The following DEPTOR variants were observed in gnomAD, a reference collection of about 807,000 sequenced individuals.
The protein encoded by DEPTOR is DEP domain containing MTOR interacting protein, also known as DEP domain-containing mTOR-interacting protein.
DEPTOR carries 41 observed loss-of-function variants against 41.6 expected under a neutral mutation model. That is an observed-to-expected ratio of 0.98 (90% confidence interval 0.77 to 1.28). The LOEUF is 1.28. DEPTOR is among the 50% of genes most tolerant of loss of function. The pLI, the probability that DEPTOR is intolerant of heterozygous loss-of-function variation, is 0.00. For synonymous variants in DEPTOR, 195 were observed against 192.3 expected (o/e 1.01, Z -0.12); for missense variants, 514 against 527.9 (o/e 0.97, Z 0.26).
At chr8:119,952,790 T>C (rs146611486) in intron 3 of DEPTOR, among the ~76,000 whole-genome samples, 6 of 152,220 alleles carry the variant, frequency 3.9e-5, no homozygotes, top group African/African-American at 1.2e-4. Context: ...TGGGAAGAAG[T>C]GAGGGAACAC....
At chr8:119,992,101 G>A (rs1337253389) in intron 4 of DEPTOR, among the ~76,000 whole-genome samples, 2 of 152,206 alleles carry the variant, frequency 1.3e-5, no homozygotes, top group Non-Finnish European at 2.9e-5. Flanking sequence ...GTTTATCTGT[G>A]ATTTTGAGCA....
intron 8 of DEPTOR, among the ~76,000 whole-genome samples, chr8:120,046,134 C>T (rs1174961883): frequency 1.3e-5 from 2 of 152,094 alleles, no homozygotes; most frequent in Non-Finnish European, 2.9e-5. Context: ...CATCAGGGCC[C>T]TCTTCCCTTC....
At chr8:119,932,282 T>G (rs1157194694) in intron 3 of DEPTOR, among the ~76,000 whole-genome samples, 1 of 152,174 alleles carries the variant, frequency 6.6e-6, no homozygotes, top group Non-Finnish European at 1.5e-5. Flanking sequence ...ACTGCACCTA[T>G]AACACTCTTC....
intron 1 of DEPTOR, among the ~76,000 whole-genome samples, chr8:119,924,728 A>AT (rs1827942496): frequency 6.6e-6 from 1 of 151,706 alleles, no homozygotes; most frequent in Admixed American, 6.6e-5. Flanking sequence ...TTATTTTATT[A>AT]TTTTTTTCTT....
intron 3 of DEPTOR, among the ~76,000 whole-genome samples, chr8:119,960,235 CA>C (rs1204216905): frequency 1.4e-5 from 2 of 139,704 alleles, no homozygotes; most frequent in Non-Finnish European, 3.2e-5. Context: ...AAAAAAAAAA[CA>C]AAAAACAAAA....
chr8:119,911,611 C>T (rs1052191044), intron 1 of DEPTOR, among the ~76,000 whole-genome samples: 1 of 152,174 alleles, frequency 6.6e-6, no homozygotes, highest in African/African-American at 2.4e-5. Context: ...AGCCACCGTG[C>T]CTGGCCCCTG....
At chr8:119,927,833 C>T (rs1827982495) in intron 1 of DEPTOR, among the ~76,000 whole-genome samples, 2 of 151,842 alleles carry the variant, frequency 1.3e-5, no homozygotes, top group Admixed American at 6.6e-5. Context: ...TCTCAAACTC[C>T]TGACCTCAAG....
At chr8:119,888,394 G>A (rs534743291) in intron 1 of DEPTOR, among the ~76,000 whole-genome samples, 133 of 152,144 alleles carry the variant, frequency 8.7e-4, no homozygotes, top group African/African-American at 3.1e-3. Flanking sequence ...CAGAAGTGTC[G>A]AAAAGCTATA....
At chr8:119,928,670 C>A in intron 2 of DEPTOR, 92 bp downstream of exon 2, 1 of 1,418,660 alleles carries the variant, frequency 7.0e-7, no homozygotes, top group Non-Finnish European at 9.4e-7. Context: ...AAACATTTTG[C>A]TTTATTTTAT....
chr8:119,919,331 GTCCCCATCTCC>G (rs1563965628), intron 1 of DEPTOR, among the ~76,000 whole-genome samples: 1 of 152,010 alleles, frequency 6.6e-6, no homozygotes, highest in South Asian at 2.1e-4. Context: ...GACCTCCTAT[GTCCCCATCTCC>G]TAGCTTCAGC....
chr8:119,928,679 A>G lies in DEPTOR; in HGVS notation c.301+101A>G. On this transcript the variant is annotated intron_variant, in intron 2 of 8. Transcript: ENST00000286234. ...GAAAGAAAACATTTTGCTTTATTTT[A>G]TCTCCAGTGTACCTCTCCCTGATTG... 9.1e-6 allele frequency: 12 copies of G among 1,317,118 alleles called. No homozygotes were observed. In the South Asian group the frequency reaches 1.4e-4, roughly 16 times the overall value. The allele number at this position is 1,317,118 out of a possible 1,614,324, so 81.6% of individuals were successfully genotyped here. A position where few individuals can be genotyped will look rare whatever the true frequency, so the allele number is the denominator to read the frequency against.
At chr8:119,994,808 T>G (rs1370371898) in intron 4 of DEPTOR, among the ~76,000 whole-genome samples, 1 of 151,562 alleles carries the variant, frequency 6.6e-6, no homozygotes, top group Non-Finnish European at 1.5e-5. Flanking sequence ...TCTCAGCTAC[T>G]TGAGAGGCTG....
At chr8:119,964,456 A>G (rs371130982) in intron 3 of DEPTOR, among the ~76,000 whole-genome samples, 166 of 147,036 alleles carry the variant, frequency 1.1e-3, no homozygotes, top group African/African-American at 3.6e-3. Flanking sequence ...TGGAGGTTGC[A>G]GTGAGCCAAG....
At chr8:119,980,818 G>A (rs1487780115) in intron 4 of DEPTOR, among the ~76,000 whole-genome samples, 1 of 151,816 alleles carries the variant, frequency 6.6e-6, no homozygotes, top group Admixed American at 6.6e-5. Context: ...GTGCCCAGCC[G>A]CATTTCATTT....
intron 1 of DEPTOR, among the ~76,000 whole-genome samples, chr8:119,919,585 C>T (rs1879149): frequency 2.6e-4 from 40 of 151,870 alleles, no homozygotes; most frequent in Non-Finnish European, 7.4e-5. Context: ...AGTCTTTCAA[C>T]GGTGTGTGAT....
At chr8:119,878,388 C>T (rs1310306667) in intron 1 of DEPTOR, among the ~76,000 whole-genome samples, 2 of 151,008 alleles carry the variant, frequency 1.3e-5, no homozygotes, top group Non-Finnish European at 2.9e-5. Flanking sequence ...GGCACTATCT[C>T]GGCTTACTGC....
At chr8:119,876,197 C>T (rs1361303670) in intron 1 of DEPTOR, among the ~76,000 whole-genome samples, 1 of 152,238 alleles carries the variant, frequency 6.6e-6, no homozygotes, top group African/African-American at 2.4e-5. Flanking sequence ...TAGCGCCTCT[C>T]TGCACTGCAG....
intron 1 of DEPTOR, among the ~76,000 whole-genome samples, chr8:119,920,094 G>GTT (rs3029098): frequency 0.22 from 33,744 of 150,808 alleles, 3,936 homozygotes; most frequent in Middle Eastern, 0.34. Context: ...TAATAGGAAG[G>GTT]TTTTTTTTTT....
intron 8 of DEPTOR, among the ~76,000 whole-genome samples, chr8:120,010,716 C>G (rs925986591): frequency 6.6e-6 from 1 of 152,014 alleles, no homozygotes; most frequent in Non-Finnish European, 1.5e-5. Flanking sequence ...TCTAATCTTC[C>G]CTAACTCAGA....
Sources: allele counts gnomAD v4.1 joint callset (sites outside exome capture counted in the v4.1 genomes callset), GRCh38; gene constraint gnomAD v4.1.1; transcripts MANE v1.5; gene names NCBI Gene and HGNC (gene_info 2026-07-23, HGNC 2026-07-21).